The following PDE4B variants were observed in gnomAD, a reference collection of about 807,000 sequenced individuals.
The protein encoded by PDE4B is phosphodiesterase 4B.
PDE4B carries 20 observed loss-of-function variants against 82.2 expected under a neutral mutation model. The observed-to-expected ratio is 0.24, with a 90% CI of 0.17 to 0.35. PDE4B has a LOEUF of 0.35. Ranked by LOEUF, PDE4B falls within the 10% of genes least tolerant of loss-of-function variation. PDE4B has a pLI of 1.00. For synonymous variants in PDE4B, 320 were observed against 318.9 expected (o/e 1.00, Z -0.04); for missense variants, 655 against 907.2 (o/e 0.72, Z 3.57).
chr1:66,065,462 A>G (rs1655796093), intron 3 of PDE4B, among the ~76,000 whole-genome samples: 2 of 151,940 alleles, frequency 1.3e-5, no homozygotes, highest in South Asian at 4.1e-4. Context: ...TTGATAACCA[A>G]AGGCAAGCAA....
At chr1:65,934,995 A>G (rs1195523051) in intron 3 of PDE4B, among the ~76,000 whole-genome samples, 2 of 152,188 alleles carry the variant, frequency 1.3e-5, no homozygotes, top group Admixed American at 6.6e-5. Flanking sequence ...CTTGAACAGC[A>G]CTATAGACCA....
At chr1:66,221,727 A>G (rs1161483341) in intron 3 of PDE4B, among the ~76,000 whole-genome samples, 2 of 152,130 alleles carry the variant, frequency 1.3e-5, no homozygotes, top group Non-Finnish European at 2.9e-5. Flanking sequence ...TCATTGAGGA[A>G]CTTCAGTTCC....
chr1:66,366,241 A>G (rs1047240901), intron 13 of PDE4B, among the ~76,000 whole-genome samples: 1 of 152,174 alleles, frequency 6.6e-6, no homozygotes, highest in Non-Finnish European at 1.5e-5. Flanking sequence ...GAGTTTCCAC[A>G]GTTCAGAAGG....
Position 66,368,822 on chromosome 1 carries a change from C to A in PDE4B, c.1698C>A (p.Ser566Arg). The A allele has an allele frequency of 6.2e-7, 1 of 1,611,744 alleles. No homozygotes were observed. ...LRNMVHCADL[S>R]NPTKSLELYR... ...ACATGGTACACTGTGCAGACCTGAG[C>A]AACCCCACCAAGTCCTTGGAATTGT... Residue 566 changes from serine (S) to arginine (R), a missense_variant, in exon 16 of 17, where the codon AGC (serine) becomes AGA (arginine). This residue lies in a region of PDE4B where 283 missense variants were observed against 516.4 expected (regional missense o/e 0.55). Transcript: ENST00000341517.
chr1:66,062,392 A>G (rs1349652838), intron 3 of PDE4B, among the ~76,000 whole-genome samples: 2 of 152,060 alleles, frequency 1.3e-5, no homozygotes, highest in African/African-American at 2.4e-5. Context: ...CAGGGAGACA[A>G]CTTGGGGATT....
At chr1:66,241,991 C>T (rs945765532) in intron 3 of PDE4B, among the ~76,000 whole-genome samples, 10 of 152,168 alleles carry the variant, frequency 6.6e-5, no homozygotes, top group Non-Finnish European at 1.3e-4. Flanking sequence ...GTGTGATACT[C>T]AGCTCTAGGC....
At chr1:65,866,033 A>G (rs1343437300) in intron 1 of PDE4B, among the ~76,000 whole-genome samples, 1 of 152,146 alleles carries the variant, frequency 6.6e-6, no homozygotes, top group African/African-American at 2.4e-5. Flanking sequence ...GGTTATCCTC[A>G]CACCAAGCCA....
At chr1:66,342,335 A>C (rs1661048920) in intron 8 of PDE4B, among the ~76,000 whole-genome samples, 1 of 152,162 alleles carries the variant, frequency 6.6e-6, no homozygotes, top group Admixed American at 6.5e-5. Flanking sequence ...AAGAAATTAA[A>C]AGAAAATTTC....
chr1:66,192,745 CTCA>C (rs1647936912), intron 3 of PDE4B, among the ~76,000 whole-genome samples: 1 of 152,048 alleles, frequency 6.6e-6, no homozygotes, highest in Non-Finnish European at 1.5e-5. Context: ...GGCTGTATCT[CTCA>C]TCAAGTCTTA....
intron 3 of PDE4B, among the ~76,000 whole-genome samples, chr1:66,058,430 G>C (rs1218422878): frequency 1.3e-5 from 2 of 152,226 alleles, no homozygotes; most frequent in Admixed American, 6.5e-5. Context: ...GCCCCAGTAG[G>C]GACTCTGTGT....
intron 9 of PDE4B, among the ~76,000 whole-genome samples, chr1:66,359,252 A>G (rs1662562453): frequency 6.6e-6 from 1 of 152,232 alleles, no homozygotes; most frequent in African/African-American, 2.4e-5. Context: ...CTAGCAAGAC[A>G]TGAGCCTCAA....
At chr1:66,189,945 T>G (rs1446770508) in intron 3 of PDE4B, among the ~76,000 whole-genome samples, 1 of 152,196 alleles carries the variant, frequency 6.6e-6, no homozygotes, top group African/African-American at 2.4e-5. Flanking sequence ...CTGCTCTGTT[T>G]TTTCCCCATC....
At chr1:65,927,803 A>G (rs574021536) in intron 3 of PDE4B, among the ~76,000 whole-genome samples, 1 of 152,238 alleles carries the variant, frequency 6.6e-6, no homozygotes, top group Non-Finnish European at 1.5e-5. Flanking sequence ...TCACCGTAAC[A>G]GCCCTCACCC....
chr1:66,351,272 A>G (rs1661796590), intron 8 of PDE4B, among the ~76,000 whole-genome samples: 1 of 152,220 alleles, frequency 6.6e-6, no homozygotes, highest in Admixed American at 6.5e-5. Flanking sequence ...TAGGGAAAAT[A>G]GTATCTGTGT....
At chr1:65,875,939 C>T (rs980418015) in intron 1 of PDE4B, among the ~76,000 whole-genome samples, 8 of 149,748 alleles carry the variant, frequency 5.3e-5, no homozygotes, top group Non-Finnish European at 1.2e-4. Flanking sequence ...TACCCTAAAA[C>T]TTAAAGTATA....
chr1:66,253,136 T>C (rs1653918959), intron 4 of PDE4B, among the ~76,000 whole-genome samples: 1 of 152,158 alleles, frequency 6.6e-6, no homozygotes, highest in African/African-American at 2.4e-5. Flanking sequence ...GTTTGACAGG[T>C]AAAAATGTTG....
intron 3 of PDE4B, among the ~76,000 whole-genome samples, chr1:66,039,638 G>A (rs1441024999): frequency 1.3e-5 from 2 of 151,854 alleles, no homozygotes; most frequent in Non-Finnish European, 2.9e-5. Flanking sequence ...ACCCTGAAGC[G>A]AGATAAACAT....
chr1:66,206,305 C>G (rs1057018499), intron 3 of PDE4B, among the ~76,000 whole-genome samples: 40 of 152,280 alleles, frequency 2.6e-4, no homozygotes, highest in African/African-American at 9.4e-4. Context: ...GCTTCTGATT[C>G]AGTGTCCCTG....
rs796816310 is a variant in PDE4B at position 65,825,710 on chromosome 1, C to CTA, written c.-71+32464_-71+32465dup. On this transcript the variant is annotated intron_variant, in intron 1 of 16. Coordinates refer to ENST00000341517, the MANE Select transcript of PDE4B (RefSeq NM_002600.4). ...AAAAATTAAAAACAAAATTACCTAT[C>CTA]TATCTATCTATCTATCTATCTATCT... Among the ~76,000 whole-genome samples the CTA allele has an allele frequency of 5.6e-3, 502 of 89,776 alleles. 3 individuals carry two copies. The highest frequency in any genetic ancestry group is 0.02 in the African/African-American group (457 of 22,682). 58.9% of individuals were successfully genotyped at this position (89,776 alleles called of 152,430 possible). A position where few individuals can be genotyped will look rare whatever the true frequency, so the allele number is the denominator to read the frequency against.
Sources: gnomAD v4.1 joint callset for allele counts (sites outside exome capture counted in the v4.1 genomes callset) on GRCh38, gnomAD v4.1.1 for gene constraint, gnomAD v4.1.1 regional missense constraint, MANE v1.5 for transcripts, NCBI Gene and HGNC (gene_info 2026-07-23, HGNC 2026-07-21) for gene names.